Variants in PDE7B observed in about 807,000 individuals in gnomAD.
PDE7B encodes 3',5'-cyclic-AMP phosphodiesterase 7B.
A neutral mutation model predicts 56.2 loss-of-function variants in PDE7B; 29 were observed. The observed-to-expected ratio is 0.52, with a 90% CI of 0.38 to 0.70. The LOEUF is 0.70. Ranked by LOEUF, PDE7B falls within the 30% of genes least tolerant of loss-of-function variation. The pLI is 0.00. For synonymous variants in PDE7B, 197 were observed against 196.9 expected, an observed-to-expected ratio of 1.00 and a Z score of 0.00; for missense variants, 490 against 565.0, an observed-to-expected ratio of 0.87 and a Z score of 1.35.
intron 2 of PDE7B, among the ~76,000 whole-genome samples, chr6:135,948,852 TAG>T (rs1190182028): frequency 0.023 from 362 of 15,500 alleles, 3 homozygotes; most frequent in Middle Eastern, 0.071. Context: ...ACTAGATAGA[TAG>T]ATAGATAGAT....
chr6:136,134,077 G>A (rs1326511542), intron 3 of PDE7B, among the ~76,000 whole-genome samples: 1 of 152,124 alleles, frequency 6.6e-6, no homozygotes, highest in Non-Finnish European at 1.5e-5. Flanking sequence ...TGGAGCAGGG[G>A]GCTGACATGG....
intron 1 of PDE7B, among the ~76,000 whole-genome samples, chr6:135,887,701 C>A (rs774820762): frequency 4.0e-5 from 6 of 150,878 alleles, no homozygotes; most frequent in Admixed American, 6.6e-5. Context: ...ATTGGCTATG[C>A]AAATCTACAC....
chr6:136,015,633 G>C (rs1424142607), intron 2 of PDE7B, among the ~76,000 whole-genome samples: 1 of 152,166 alleles, frequency 6.6e-6, no homozygotes, highest in Non-Finnish European at 1.5e-5. Context: ...AACTATGAAA[G>C]TGACAAACAC....
chr6:135,934,843 T>G (rs1467587755), intron 1 of PDE7B, among the ~76,000 whole-genome samples: 1 of 113,324 alleles, frequency 8.8e-6, no homozygotes, highest in Non-Finnish European at 1.7e-5. Flanking sequence ...ATATATATAT[T>G]TATTTAAATA....
intron 1 of PDE7B, among the ~76,000 whole-genome samples, chr6:135,876,656 A>C (rs1775498757): frequency 6.6e-6 from 1 of 152,134 alleles, no homozygotes; most frequent in Non-Finnish European, 1.5e-5. Context: ...CAGGAGTTCA[A>C]GACCAGCCTG....
At chr6:136,070,518 GA>G (rs1777029879) in intron 2 of PDE7B, among the ~76,000 whole-genome samples, 1 of 149,618 alleles carries the variant, frequency 6.7e-6, no homozygotes, top group Middle Eastern at 3.7e-3. Context: ...CAATATTGTT[GA>G]AAAAATATTA....
chr6:135,927,535 A>G (rs1210755378), intron 1 of PDE7B, among the ~76,000 whole-genome samples: 1 of 152,060 alleles, frequency 6.6e-6, no homozygotes. Context: ...ATGTTTTTCC[A>G]TTTGTTTGTC....
chr6:136,049,492 TC>T (rs1776587014), intron 2 of PDE7B: 1 of 152,040 alleles, frequency 6.6e-6, no homozygotes, highest in African/African-American at 2.4e-5. Context: ...TTTTTATGTA[TC>T]TTATAATGTA....
chr6:135,888,086 AC>A (rs1775740617), intron 1 of PDE7B, among the ~76,000 whole-genome samples: 1 of 152,082 alleles, frequency 6.6e-6, no homozygotes, highest in Non-Finnish European at 1.5e-5. Context: ...AATTCTTACT[AC>A]CTGTGAACTA....
At chr6:136,152,195 A>G (rs9494456) in intron 6 of PDE7B, among the ~76,000 whole-genome samples, 74,209 of 151,922 alleles carry the variant, frequency 0.49, 18,364 homozygotes, top group African/African-American at 0.57. Flanking sequence ...ATAATAAATT[A>G]TATATAAAGA....
intron 2 of PDE7B, among the ~76,000 whole-genome samples, chr6:135,950,671 A>G (rs990030189): frequency 2.0e-5 from 3 of 152,008 alleles, no homozygotes; most frequent in African/African-American, 7.3e-5. Context: ...TGCCTGCTGG[A>G]TCCTAGCTGT....
Position 135,890,178 on chromosome 6 carries a change from TAAAAC to T in PDE7B, c.21+38162_21+38166del, listed in dbSNP as rs543942404. On this transcript the variant is annotated intron_variant, in intron 1 of 12. Transcript: ENST00000308191. ...TGATTCACAATAATTTACAAACTGA[TAAAAC>T]AATAACATTTTAAAAAATGAATTTC... Among the ~76,000 whole-genome samples the T allele has an allele frequency of 2.3e-3, 349 of 152,336 alleles. 1 individual carries two copies. Among genetic ancestry groups the T allele is most frequent in the African/African-American group, 8.0e-3 (333 of 41,582 alleles).
chr6:136,168,617 G>A (rs1778833458), intron 8 of PDE7B, among the ~76,000 whole-genome samples: 1 of 152,118 alleles, frequency 6.6e-6, no homozygotes. Context: ...AAAAAGGATG[G>A]TAAAACTCTG....
At chr6:136,168,672 A>T (rs907408755) in intron 8 of PDE7B, among the ~76,000 whole-genome samples, 3 of 152,188 alleles carry the variant, frequency 2.0e-5, no homozygotes, top group African/African-American at 7.2e-5. Context: ...CACAAGTGAC[A>T]CTATGTAGGA....
chr6:136,151,888 C>G (rs1283159032), intron 6 of PDE7B, among the ~76,000 whole-genome samples: 1 of 151,804 alleles, frequency 6.6e-6, no homozygotes, highest in African/African-American at 2.4e-5. Flanking sequence ...TGCAGTGAGC[C>G]GAGATTGCGC....
intron 1 of PDE7B, among the ~76,000 whole-genome samples, chr6:135,926,130 A>T (rs1407089200): frequency 8.1e-6 from 1 of 123,792 alleles, no homozygotes; most frequent in Non-Finnish European, 1.6e-5. Context: ...TCTGTCGCCC[A>T]GGCTGCAGTG....
rs189600163 is a variant in PDE7B at position 136,000,853 on chromosome 6, C to G, written c.82+53329C>G. On this transcript the variant is annotated intron_variant, in intron 2 of 12. Transcript: ENST00000308191. ...CAGCTTTAAAGAGAGCAGTGGTTGT[C>G]CCAGCACGCAGCTGGAGATCTGAGA... Among the ~76,000 whole-genome samples the G allele has an allele frequency of 2.4e-3, 367 of 152,276 alleles. 7 individuals carry two copies. Among genetic ancestry groups the G allele is most frequent in the Admixed American group, 0.02 (312 of 15,280 alleles).
chr6:136,177,288 C>T (rs974387395), intron 9 of PDE7B, among the ~76,000 whole-genome samples: 1 of 151,950 alleles, frequency 6.6e-6, no homozygotes, highest in African/African-American at 2.4e-5. Context: ...CATAGTGAAA[C>T]CCCCATCTCT....
In PDE7B at chr6:136,096,630, A is replaced by T. The variant is rs145730978; in HGVS notation, c.83-12101A>T. On this transcript the variant is annotated intron_variant, in intron 2 of 12. Transcript: ENST00000308191. ...ATAAACTATTCTAGCCTCAGTTTTC[A>T]AATTATATTTTATTATTAATAATAT... Among the ~76,000 whole-genome samples, 198 of 151,802 alleles carry T rather than the reference A, an allele frequency of 1.3e-3. 1 individual carries two copies. The East Asian group carries it at 0.032, about 24-fold the overall frequency.
Sources: gnomAD v4.1 joint callset for allele counts (sites outside exome capture counted in the v4.1 genomes callset) on GRCh38, gnomAD v4.1.1 for gene constraint, MANE v1.5 for transcripts, NCBI Gene and HGNC (gene_info 2026-07-23, HGNC 2026-07-21) for gene names.